The following RABGEF1 variants were observed in gnomAD, a reference collection of about 807,000 sequenced individuals.
The protein encoded by RABGEF1 is rab5 GDP/GTP exchange factor.
In RABGEF1, 26 loss-of-function variants were observed where a neutral mutation model predicts 57.3. That is an observed-to-expected ratio of 0.45 (90% confidence interval 0.33 to 0.63). The LOEUF (loss-of-function observed/expected upper bound fraction) is 0.63. Among genes scored for constraint, RABGEF1 ranks in the 20% least tolerant of loss-of-function variants. RABGEF1 has a pLI of 0.02. For missense variants in RABGEF1, 464 were observed against 607.6 expected, an observed-to-expected ratio of 0.76 and a Z score of 2.48; for synonymous variants, 185 against 210.7, an observed-to-expected ratio of 0.88 and a Z score of 1.06.
upstream of RABGEF1, among the ~76,000 whole-genome samples, chr7:66,679,547 G>A (rs1389001531): frequency 6.6e-6 from 1 of 152,180 alleles, no homozygotes; most frequent in Non-Finnish European, 1.5e-5. Context: ...TCAAACTCCT[G>A]ACCTCAGGTG....
the RABGEF1 span, among the ~76,000 whole-genome samples, chr7:66,670,217 G>A: frequency 6.6e-6 from 1 of 151,980 alleles, no homozygotes. Context: ...TGGAATCTGT[G>A]TGTTTGCATA....
intron 1 of RABGEF1, among the ~76,000 whole-genome samples, chr7:66,770,766 G>A (rs1454436803): frequency 6.6e-6 from 1 of 152,210 alleles, no homozygotes; most frequent in African/African-American, 2.4e-5. Flanking sequence ...TTACAGGCAT[G>A]AGCCATTATG....
At chr7:66,742,230 T>C (rs1484926035) in intron 1 of RABGEF1, among the ~76,000 whole-genome samples, 1 of 152,192 alleles carries the variant, frequency 6.6e-6, no homozygotes, top group Non-Finnish European at 1.5e-5. Flanking sequence ...GTGATTATAT[T>C]GTTAATATTT....
intron 1 of RABGEF1, among the ~76,000 whole-genome samples, chr7:66,694,924 C>T (rs1028920837): frequency 2.0e-5 from 3 of 152,128 alleles, no homozygotes; most frequent in South Asian, 2.1e-4. Context: ...AGCCTGGTTC[C>T]GGACATGCTG....
chr7:66,670,615 C>T, the RABGEF1 span, among the ~76,000 whole-genome samples: 245 of 151,900 alleles, frequency 1.6e-3, no homozygotes, highest in African/African-American at 5.5e-3. Flanking sequence ...GAGGCCAAGG[C>T]GGGTGGATCT....
intron 1 of RABGEF1, among the ~76,000 whole-genome samples, chr7:66,696,122 G>T (rs888474154): frequency 6.6e-6 from 1 of 152,010 alleles, no homozygotes; most frequent in Admixed American, 6.6e-5. Flanking sequence ...TTGGAGTGCA[G>T]TGGCACAATC....
At chr7:66,783,050 G>T (rs375351407) in intron 3 of RABGEF1, among the ~76,000 whole-genome samples, 25 of 152,120 alleles carry the variant, frequency 1.6e-4, no homozygotes, top group Non-Finnish European at 1.3e-4. Flanking sequence ...CTGCCCAGCC[G>T]GTGGGATAGT....
the RABGEF1 span, among the ~76,000 whole-genome samples, chr7:66,670,413 T>C: frequency 6.8e-6 from 1 of 146,988 alleles, no homozygotes; most frequent in Non-Finnish European, 1.5e-5. Context: ...ATTTAATAAA[T>C]GGGCTTATTG....
chr7:66,696,722 A>T (rs961321958), intron 1 of RABGEF1, among the ~76,000 whole-genome samples: 2 of 145,458 alleles, frequency 1.4e-5, no homozygotes, highest in Non-Finnish European at 3.0e-5. Context: ...AGAAAAATGG[A>T]GCGTGGTCAT....
At chr7:66,797,962 C>G (rs1199027399) in intron 6 of RABGEF1, among the ~76,000 whole-genome samples, 1 of 152,106 alleles carries the variant, frequency 6.6e-6, no homozygotes, top group Non-Finnish European at 1.5e-5. Context: ...ACTAAAAATA[C>G]AAAAATTAGC....
the RABGEF1 span, among the ~76,000 whole-genome samples, chr7:66,662,082 TAA>T: frequency 6.6e-6 from 1 of 151,688 alleles, no homozygotes; most frequent in Admixed American, 6.6e-5. Flanking sequence ...CTAAAAAGTA[TAA>T]AAAAATTAGC....
At chr7:66,658,667 A>G in the RABGEF1 span, among the ~76,000 whole-genome samples, 13 of 152,328 alleles carry the variant, frequency 8.5e-5, no homozygotes, top group African/African-American at 3.1e-4. Flanking sequence ...TCTACCAGAC[A>G]TTTAAAGGAA....
intron 3 of RABGEF1, among the ~76,000 whole-genome samples, chr7:66,780,135 G>A (rs1286726884): frequency 6.6e-6 from 1 of 152,200 alleles, no homozygotes; most frequent in African/African-American, 2.4e-5. Flanking sequence ...AAATGAGTAG[G>A]ATTTTCCTGT....
In RABGEF1 at chr7:66,784,310, A is replaced by G. The variant is rs1605374; in HGVS notation, c.513+469A>G. On this transcript the variant is annotated intron_variant, in intron 4 of 8. Transcript: ENST00000284957. ...TTAGACAATGAAAGGGACTTTAGCA[A>G]CTATGGAGTTTCAGTCCCTTTATTT... 3.4e-4 allele frequency among the ~76,000 whole-genome samples: 52 copies of G among 152,354 alleles called. No homozygotes were observed. The South Asian group carries it at 4.6e-3, about 13-fold the overall frequency.
intron 5 of RABGEF1, among the ~76,000 whole-genome samples, chr7:66,797,145 C>A (rs1363267004): frequency 1.3e-5 from 2 of 151,004 alleles, no homozygotes; most frequent in Non-Finnish European, 3.0e-5. Flanking sequence ...ACAGAAAAAA[C>A]CTACAAAAAT....
At chr7:66,698,609 G>A (rs1792723712) in intron 1 of RABGEF1, among the ~76,000 whole-genome samples, 1 of 152,196 alleles carries the variant, frequency 6.6e-6, no homozygotes. Flanking sequence ...CAGCAGTTTA[G>A]CCTCTGCTGG....
At chr7:66,755,619 G>A (rs1480675389) in intron 1 of RABGEF1, among the ~76,000 whole-genome samples, 1 of 152,206 alleles carries the variant, frequency 6.6e-6, no homozygotes, top group Non-Finnish European at 1.5e-5. Context: ...TTGACCATTT[G>A]TGCTGCTTCC....
chr7:66,682,989 TG>T (rs1790018169), intron 1 of RABGEF1, among the ~76,000 whole-genome samples: 2 of 152,050 alleles, frequency 1.3e-5, no homozygotes, highest in African/African-American at 2.4e-5. Flanking sequence ...CCAATCCTTG[TG>T]GTTGGGAAAT....
At chr7:66,671,028 T>G in the RABGEF1 span, among the ~76,000 whole-genome samples, 326 of 151,106 alleles carry the variant, frequency 2.2e-3, 2 homozygotes, top group East Asian at 5.0e-3. Flanking sequence ...TTTATATATA[T>G]ATATAGAGAG....
Sources: allele counts gnomAD v4.1 joint callset (sites outside exome capture counted in the v4.1 genomes callset), GRCh38; gene constraint gnomAD v4.1.1; transcripts MANE v1.5; gene names NCBI Gene and HGNC (gene_info 2026-07-23, HGNC 2026-07-21).